KPNA3: variants seen among roughly 807,000 people sequenced by gnomAD.
The protein encoded by KPNA3 is importin subunit alpha-4.
A neutral mutation model predicts 73.8 loss-of-function variants in KPNA3; 13 were observed. The ratio of observed to expected loss-of-function variants is 0.18; its 90% CI spans 0.11 to 0.28. The LOEUF (loss-of-function observed/expected upper bound fraction) is 0.28, where lower values mean the gene tolerates loss of function less well. KPNA3 is among the 10% of genes least tolerant of loss of function. KPNA3 has a pLI of 1.00. For missense variants in KPNA3, 360 were observed against 618.1 expected (o/e 0.58, Z 4.43); for synonymous variants, 186 against 206.9 (o/e 0.90, Z 0.87).
In KPNA3 at chr13:49,725,267, C is replaced by T. The variant is rs564916854; in HGVS notation, c.469+149G>A. ...AAAATTTTTCATGATAAATTAATGA[C>T]GGCTATGAAAAAGATATCGGTCATC... On this transcript the variant is annotated intron_variant, in intron 7 of 16. Transcript: ENST00000261667. 2.6e-4 allele frequency: 117 copies of T among 441,534 alleles called. 3 individuals are homozygous for T. In the South Asian group the frequency reaches 5.1e-3, roughly 19 times the overall value. The allele number at this position is 441,534 out of a possible 1,614,324, so 27.4% of individuals were successfully genotyped here.
chr13:49,709,492 C>T, intron 12 of KPNA3, 80 bp downstream of exon 12: 1 of 1,137,130 alleles, frequency 8.8e-7, no homozygotes, highest in Non-Finnish European at 1.2e-6. Flanking sequence ...GAAAAACATA[C>T]AAGTAGCAAT....
chr13:49,756,669 C>T (rs183541257), intron 1 of KPNA3, among the ~76,000 whole-genome samples: 35 of 152,268 alleles, frequency 2.3e-4, no homozygotes, highest in African/African-American at 7.7e-4. Context: ...AATGCAATTC[C>T]TATCAAAATC....
intron 1 of KPNA3, among the ~76,000 whole-genome samples, chr13:49,750,852 C>A (rs1158283026): frequency 6.6e-6 from 1 of 151,696 alleles, no homozygotes; most frequent in Non-Finnish European, 1.5e-5. Context: ...ATTAGCTGGG[C>A]ATGGTGGCGC....
At chr13:49,781,197 G>A (rs1254513552) in intron 1 of KPNA3, among the ~76,000 whole-genome samples, 1 of 152,030 alleles carries the variant, frequency 6.6e-6, no homozygotes, top group African/African-American at 2.4e-5. Context: ...TTCCCCATGT[G>A]CCCGCTCCAC....
At chr13:49,712,496 GA>G (rs11325182) in intron 10 of KPNA3, among the ~76,000 whole-genome samples, 18,466 of 139,168 alleles carry the variant, frequency 0.13, 2,241 homozygotes, top group East Asian at 0.59. Context: ...CTGAATAACA[GA>G]AAAAAAAAAA....
intron 15 of KPNA3, among the ~76,000 whole-genome samples, chr13:49,703,445 G>A (rs941053625): frequency 6.6e-6 from 1 of 152,132 alleles, no homozygotes; most frequent in African/African-American, 2.4e-5. Context: ...CTCCCAAAGT[G>A]CTGGGATTAC....
chr13:49,774,872 C>T (rs146653235), intron 1 of KPNA3, among the ~76,000 whole-genome samples: 18 of 152,146 alleles, frequency 1.2e-4, no homozygotes, highest in Non-Finnish European at 2.2e-4. Flanking sequence ...TGAAAATATT[C>T]GGCCAGGCAT....
chr13:49,730,320 G>C (rs1954450430), intron 6 of KPNA3, among the ~76,000 whole-genome samples: 1 of 151,906 alleles, frequency 6.6e-6, no homozygotes, highest in African/African-American at 2.4e-5. Context: ...ATCACCTGAT[G>C]TCAAGAGTTC....
intron 8 of KPNA3, 87 bp from the exon 9 acceptor site, chr13:49,722,211 T>C: frequency 1.1e-6 from 1 of 887,424 alleles, no homozygotes; most frequent in Non-Finnish European, 1.7e-6. Context: ...GTGGGAACAC[T>C]GACGTTCTAT....
chr13:49,715,694 C>G (rs1380730535), intron 10 of KPNA3, among the ~76,000 whole-genome samples: 2 of 152,100 alleles, frequency 1.3e-5, no homozygotes, highest in Non-Finnish European at 2.9e-5. Flanking sequence ...TCCCAGATAC[C>G]AAGGCAAAAT....
intron 2 of KPNA3, among the ~76,000 whole-genome samples, chr13:49,734,848 AATG>A (rs1954504845): frequency 6.6e-6 from 1 of 151,946 alleles, no homozygotes; most frequent in South Asian, 2.1e-4. Flanking sequence ...AATCTCCCAC[AATG>A]ATTATATCTT....
chr13:49,790,536 G>A (rs190600363), intron 1 of KPNA3, among the ~76,000 whole-genome samples: 1,653 of 152,306 alleles, frequency 0.011, 15 homozygotes, highest in Middle Eastern at 0.027. Context: ...GATTAAATAA[G>A]GTATCATGAA....
intron 10 of KPNA3, among the ~76,000 whole-genome samples, chr13:49,714,239 A>G (rs1406366058): frequency 6.6e-6 from 1 of 152,114 alleles, no homozygotes; most frequent in African/African-American, 2.4e-5. Context: ...AAAGAATAGA[A>G]AAATCATAGA....
rs1362320901 is a variant in KPNA3, at chr13:49,701,705, T to C, written c.*95A>G. The C allele has an allele frequency of 6.0e-6, 5 of 832,840 alleles. No homozygotes were observed. Among genetic ancestry groups the C allele is most frequent in the Non-Finnish European group, 1.1e-5 (5 of 472,462 alleles). 51.6% of individuals were successfully genotyped at this position (832,840 alleles called of 1,614,324 possible). A position where few individuals can be genotyped will look rare whatever the true frequency, so the allele number is the denominator to read the frequency against. On this transcript the variant is annotated 3_prime_UTR_variant, in exon 17 of 17. Transcript: ENST00000261667. ...GCATCAAAACAAAGAGGCATGTGTG[T>C]TTTGGAGCCTTTTGTTGCTGTTGTT... is the stretch of plus-strand genomic sequence containing the variant.
chr13:49,723,021 A>G (rs902043988), intron 7 of KPNA3, among the ~76,000 whole-genome samples: 1 of 151,868 alleles, frequency 6.6e-6, no homozygotes, highest in Admixed American at 6.6e-5. Flanking sequence ...TATACATTAT[A>G]CCCATTTCCA....
chr13:49,755,663 C>T (rs532450461), intron 1 of KPNA3, among the ~76,000 whole-genome samples: 16 of 152,206 alleles, frequency 1.1e-4, no homozygotes, highest in Admixed American at 3.9e-4. Flanking sequence ...TGGTGGTGCA[C>T]ACCTGTAGTC....
chr13:49,731,054 A>C (rs976155604), intron 6 of KPNA3, among the ~76,000 whole-genome samples: 1 of 151,500 alleles, frequency 6.6e-6, no homozygotes, highest in Non-Finnish European at 1.5e-5. Flanking sequence ...TGCTGAGACT[A>C]CAGGTGTGAG....
intron 2 of KPNA3, among the ~76,000 whole-genome samples, chr13:49,740,580 T>C (rs986033305): frequency 5.9e-5 from 9 of 152,172 alleles, no homozygotes; most frequent in Admixed American, 3.9e-4. Context: ...TGCTGTCATA[T>C]GGGATGTGCC....
rs7400013 is a variant in KPNA3 at position 49,730,777 on chromosome 13, T to A, written c.383+1594A>T. Reference sequence around the variant, plus strand: ...AATGCTATCCCTCCCCCCTCCCCCCTATTTATTCATTTATTTTGAGACGGA... The same window carrying A: ...AATGCTATCCCTCCCCCCTCCCCCCAATTTATTCATTTATTTTGAGACGGA... On this transcript the variant is annotated intron_variant, in intron 6 of 16. Transcript: ENST00000261667. Among the ~76,000 whole-genome samples, 30 of 46,870 alleles carry A rather than the reference T, an allele frequency of 6.4e-4. 1 individual carries two copies. The highest frequency in any genetic ancestry group is 2.6e-3 in the African/African-American group (26 of 10,060). 30.7% of individuals were successfully genotyped at this position (46,870 alleles called of 152,430 possible).
Sources: allele counts gnomAD v4.1 joint callset (sites outside exome capture counted in the v4.1 genomes callset), GRCh38; gene constraint gnomAD v4.1.1; transcripts MANE v1.5; gene names NCBI Gene and HGNC (gene_info 2026-07-23, HGNC 2026-07-21).